The following NELL1 variants were observed in gnomAD, a reference collection of about 807,000 sequenced individuals.
NELL1 encodes neural EGFL like 1, also known as protein kinase C-binding protein NELL1.
Under a neutral mutation model 107.4 loss-of-function variants are expected in NELL1, and 76 were observed. That is an observed-to-expected ratio of 0.71 (90% CI 0.59 to 0.86). The LOEUF (loss-of-function observed/expected upper bound fraction) is 0.86, where lower values mean the gene tolerates loss of function less well. Among genes scored for constraint, NELL1 ranks in the 40% least tolerant of loss-of-function variants. NELL1 has a pLI of 0.00. For synonymous variants in NELL1, 353 were observed against 341.2 expected (o/e 1.03, Z -0.38); for missense variants, 1,024 against 1,005.5 (o/e 1.02, Z -0.25).
chr11:21,105,096 A>G (rs1056996616), intron 12 of NELL1, among the ~76,000 whole-genome samples: 1 of 152,174 alleles, frequency 6.6e-6, no homozygotes, highest in Non-Finnish European at 1.5e-5. Context: ...GCAGTTATCT[A>G]GGCATCTCCC....
intron 11 of NELL1, among the ~76,000 whole-genome samples, chr11:20,956,434 C>T (rs1385583079): frequency 2.0e-5 from 3 of 151,948 alleles, no homozygotes; most frequent in Non-Finnish European, 4.4e-5. Flanking sequence ...ATCACGAGGT[C>T]AGGAGATTGA....
chr11:20,725,652 T>C (rs572697111), intron 2 of NELL1, among the ~76,000 whole-genome samples: 1 of 152,334 alleles, frequency 6.6e-6, no homozygotes, highest in South Asian at 2.1e-4. Context: ...TTATTTAGAG[T>C]TATACAGCTT....
chr11:20,930,820 T>C (rs1352175729), intron 9 of NELL1, among the ~76,000 whole-genome samples: 104 of 150,860 alleles, frequency 6.9e-4, no homozygotes, highest in South Asian at 2.9e-3. Context: ...TTTTTTTTTT[T>C]CCCTTTGCAT....
chr11:21,227,782 G>A lies in NELL1; in HGVS notation c.1427-1550G>A, dbSNP rs189380846. On this transcript the variant is annotated intron_variant, in intron 13 of 19. Coordinates refer to ENST00000357134, the MANE Select transcript of NELL1 (RefSeq NM_006157.5). ...TGCTGACAGTTTGGGTTGGTCTTAA[G>A]GCCTAAATAAAAATTTTATTTGGAA... 3.9e-3 allele frequency among the ~76,000 whole-genome samples: 593 copies of A among 152,174 alleles called. 1 individual carries two copies. Among genetic ancestry groups the A allele is most frequent in the Non-Finnish European group, 6.0e-3 (410 of 68,012 alleles).
chr11:21,530,933 T>G (rs752019793), intron 15 of NELL1, among the ~76,000 whole-genome samples: 16 of 152,132 alleles, frequency 1.1e-4, no homozygotes, highest in Non-Finnish European at 2.4e-4. Context: ...TTGGGCACTT[T>G]CAAATTGCTT....
intron 12 of NELL1, among the ~76,000 whole-genome samples, chr11:21,061,308 T>C (rs1166679925): frequency 6.6e-6 from 1 of 152,124 alleles, no homozygotes; most frequent in African/African-American, 2.4e-5. Context: ...TCAACCAGAA[T>C]AATGAAATAG....
rs1258451735 is a variant in NELL1, at chr11:21,354,933, C to T, written c.1550-15920C>T. Among the ~76,000 whole-genome samples the T allele has an allele frequency of 2.8e-5, 4 of 143,940 alleles. No homozygotes were observed. In the East Asian group the frequency reaches 7.7e-4, roughly 28 times the overall value. The allele number at this position is 143,940 out of a possible 152,430, so 94.4% of individuals were successfully genotyped here. ...GCAGTGTAATAGGAAACCTTCTGAC[C>T]TTCTTACCTGGGGCTTTCTCTTCAA... On this transcript the variant is annotated intron_variant, in intron 14 of 19. Transcript: ENST00000357134.
intron 13 of NELL1, among the ~76,000 whole-genome samples, chr11:21,187,571 T>A (rs1270968329): frequency 6.6e-6 from 1 of 151,856 alleles, no homozygotes; most frequent in South Asian, 2.1e-4. Flanking sequence ...TTTTTAAATT[T>A]CATGCAGTGT....
Position 21,458,144 on chromosome 11 carries a change from C to T in NELL1, c.1646-76230C>T, listed in dbSNP as rs573324329. Among the ~76,000 whole-genome samples the T allele has an allele frequency of 1.1e-4, 16 of 152,208 alleles. No individual in the cohort carries two copies. In the East Asian group the frequency reaches 3.1e-3, roughly 29 times the overall value. The stretch of plus-strand genomic sequence containing the variant: ...ATTATTGTTTTTAGTAGGTAAAACA[C>T]TTAAATATATTTTTAGCCTCCTTGT... On this transcript the variant is annotated intron_variant, in intron 15 of 19. Coordinates refer to ENST00000357134, the MANE Select transcript of NELL1 (RefSeq NM_006157.5).
intron 4 of NELL1, among the ~76,000 whole-genome samples, chr11:20,864,087 G>C (rs1849048776): frequency 3.4e-5 from 1 of 29,504 alleles, no homozygotes; most frequent in Non-Finnish European, 2.5e-4. Flanking sequence ...GGGCATCAGA[G>C]GGAGACCGTG....
At chr11:21,549,433 A>C (rs373566147) in intron 16 of NELL1, among the ~76,000 whole-genome samples, 1 of 152,088 alleles carries the variant, frequency 6.6e-6, no homozygotes. Context: ...TTCTTGAGGA[A>C]GATACATGAA....
intron 12 of NELL1, among the ~76,000 whole-genome samples, chr11:20,992,557 G>C (rs1004037994): frequency 1.3e-5 from 2 of 152,060 alleles, no homozygotes; most frequent in African/African-American, 4.8e-5. Context: ...TGTAGCCTTG[G>C]GAGAGTCTTT....
chr11:21,057,264 G>A (rs1853635376), intron 12 of NELL1, among the ~76,000 whole-genome samples: 1 of 152,036 alleles, frequency 6.6e-6, no homozygotes, highest in Non-Finnish European at 1.5e-5. Context: ...AAACTAAAAT[G>A]ATTAGATGCA....
At position 21,267,939 on chromosome 11, in the gene NELL1, T is replaced by G. The variant is rs528100545; in HGVS notation, c.1549+38485T>G. On this transcript the variant is annotated intron_variant, in intron 14 of 19. Coordinates refer to ENST00000357134, the MANE Select transcript of NELL1 (RefSeq NM_006157.5). Reference sequence around the variant, plus strand: ...TCTCCATTCCTTCACTTTCAGTAAATGTGTGTCATTATAGGTGAAGTGAGT... The same window carrying G: ...TCTCCATTCCTTCACTTTCAGTAAAGGTGTGTCATTATAGGTGAAGTGAGT... Among the ~76,000 whole-genome samples the G allele has an allele frequency of 3.3e-5, 5 of 152,284 alleles. No homozygotes were observed. In the South Asian group the frequency reaches 6.2e-4, roughly 19 times the overall value.
At chr11:21,178,802 TAAATA>T (rs1425594085) in intron 13 of NELL1, among the ~76,000 whole-genome samples, 4 of 151,698 alleles carry the variant, frequency 2.6e-5, no homozygotes, top group South Asian at 4.1e-4. Context: ...TGCATTTAGT[TAAATA>T]AAATTTTAAA....
chr11:21,489,068 GA>G (rs530935590), intron 15 of NELL1, among the ~76,000 whole-genome samples: 13 of 150,698 alleles, frequency 8.6e-5, no homozygotes, highest in East Asian at 2.0e-4. Context: ...AAAATCCAAA[GA>G]AAAAAAATCA....
chr11:21,254,866 T>G (rs1346057655), intron 14 of NELL1, among the ~76,000 whole-genome samples: 1 of 152,116 alleles, frequency 6.6e-6, no homozygotes, highest in East Asian at 1.9e-4. Flanking sequence ...TGCATGGAGT[T>G]CAGAGACATT....
chr11:21,128,533 T>C (rs986687818), intron 13 of NELL1, among the ~76,000 whole-genome samples: 3 of 152,176 alleles, frequency 2.0e-5, no homozygotes, highest in African/African-American at 7.2e-5. Flanking sequence ...GAAATGTGCC[T>C]GGAGAAATCT....
intron 2 of NELL1, among the ~76,000 whole-genome samples, chr11:20,743,634 C>T (rs1855940605): frequency 6.6e-6 from 1 of 152,160 alleles, no homozygotes. Context: ...CCTCTTACCC[C>T]ACAGACCCTT....
Sources: allele counts gnomAD v4.1 joint callset (sites outside exome capture counted in the v4.1 genomes callset), GRCh38; gene constraint gnomAD v4.1.1; transcripts MANE v1.5; gene names NCBI Gene and HGNC (gene_info 2026-07-23, HGNC 2026-07-21).